Variants in CACNA2D2 observed in about 807,000 individuals in gnomAD.
CACNA2D2 encodes calcium voltage-gated channel auxiliary subunit alpha2delta 2, also known as voltage-dependent calcium channel subunit alpha-2/delta-2.
Under a neutral mutation model 166.4 loss-of-function variants are expected in CACNA2D2, and 48 were observed. The ratio of observed to expected loss-of-function variants is 0.29; its 90% confidence interval spans 0.23 to 0.37. The LOEUF (loss-of-function observed/expected upper bound fraction) is 0.37, where lower values mean the gene tolerates loss of function less well. Ranked by LOEUF, CACNA2D2 falls within the 10% of genes least tolerant of loss-of-function variation. CACNA2D2 has a pLI of 1.00. For synonymous variants in CACNA2D2, 561 were observed against 573.7 expected (o/e 0.98, Z 0.32); for missense variants, 1,122 against 1,433.0 (o/e 0.78, Z 3.50).
chr3:50,424,990 C>T (rs1707742340), intron 3 of CACNA2D2, among the ~76,000 whole-genome samples: 1 of 152,166 alleles, frequency 6.6e-6, no homozygotes, highest in South Asian at 2.1e-4. Context: ...GTACCTCCCA[C>T]AGGTACCCAC....
chr3:50,443,243 C>T (rs1708688890), intron 2 of CACNA2D2, among the ~76,000 whole-genome samples: 2 of 152,208 alleles, frequency 1.3e-5, no homozygotes, highest in Admixed American at 6.5e-5. Context: ...TTTGTGTCGG[C>T]GTCTGGGCCC....
At chr3:50,451,065 T>C (rs769707526) in intron 2 of CACNA2D2, among the ~76,000 whole-genome samples, 8 of 152,086 alleles carry the variant, frequency 5.3e-5, no homozygotes, top group African/African-American at 9.7e-5. Flanking sequence ...CAATGGCCCT[T>C]AGTGCCCCCT....
Position 50,362,899 on chromosome 3 carries a change from T to C in CACNA2D2, c.*1767A>G, listed in dbSNP as rs983833198. 7.9e-5 allele frequency: 31 copies of C among 390,168 alleles called. No individual in the cohort carries two copies. The highest frequency in any genetic ancestry group is 2.7e-5 in the Non-Finnish European group (6 of 221,420). 24.2% of individuals were successfully genotyped at this position (390,168 alleles called of 1,614,324 possible). A position where few individuals can be genotyped will look rare whatever the true frequency, so the allele number is the denominator to read the frequency against. ...TCACACACACGATATTTTACAAAGT[T>C]TCTTGACTTTTTTGTCGCTGTTGTT... On this transcript the variant is annotated 3_prime_UTR_variant, in exon 38 of 38. Transcript: ENST00000424201.
chr3:50,489,459 G>A (rs927378398), intron 1 of CACNA2D2, among the ~76,000 whole-genome samples: 1 of 152,254 alleles, frequency 6.6e-6, no homozygotes, highest in South Asian at 2.1e-4. Flanking sequence ...TTCTGTGCCA[G>A]GGAAGATGGG....
In CACNA2D2 at chr3:50,380,060, C is replaced by A. The variant is rs149968183; in HGVS notation, c.843-42G>T. 213 of 1,594,888 alleles carry A rather than the reference C, an allele frequency of 1.3e-4. No homozygotes were observed. In the African/African-American group the frequency reaches 2.6e-3, roughly 19 times the overall value. ...TCTGTTAGGGTAAGGCCCACTGGGA[C>A]CTTGTGGGTCCTTCCTTCCTTCACA... On this transcript the variant is annotated intron_variant, in intron 8 of 37. Transcript: ENST00000424201. This position sits in a 1 kb window ranked among gnomAD's most constrained non-coding sequence, Gnocchi z 4.9.
At chr3:50,447,250 A>G (rs553745280) in intron 2 of CACNA2D2, among the ~76,000 whole-genome samples, 93 of 152,140 alleles carry the variant, frequency 6.1e-4, no homozygotes, top group Non-Finnish European at 1.1e-3. Context: ...TCTGGAGGCT[A>G]CAGGCTGGAG....
At chr3:50,377,969 G>C (rs775480364) in intron 15 of CACNA2D2, 39 bp downstream of exon 15, 1 of 1,591,512 alleles carries the variant, frequency 6.3e-7, no homozygotes, top group South Asian at 1.1e-5. Flanking sequence ...TCCGGGGGAA[G>C]GGTGCCAGCC....
At chr3:50,377,036 T>C (rs1183530058) in intron 17 of CACNA2D2, among the ~76,000 whole-genome samples, 1 of 152,230 alleles carries the variant, frequency 6.6e-6, no homozygotes, top group Non-Finnish European at 1.5e-5. Flanking sequence ...TATGTGGCCA[T>C]GAGCTAAGAA....
chr3:50,374,593 C>G (rs1452545068), intron 22 of CACNA2D2, 144 bp downstream of exon 22: 1 of 801,684 alleles, frequency 1.2e-6, no homozygotes, highest in South Asian at 1.7e-5. Flanking sequence ...TCGAGGTGCC[C>G]CAGCCTGCGG....
chr3:50,372,993 AGGGGGGC>A, intron 22 of CACNA2D2: 1 of 774,574 alleles, frequency 1.3e-6, no homozygotes, highest in Non-Finnish European at 1.6e-6. Flanking sequence ...CTGGGCAGGG[AGGGGGGC>A]AAGCAGGGGC....
chr3:50,494,847 G>A (rs1190107699), intron 1 of CACNA2D2, among the ~76,000 whole-genome samples: 2 of 151,730 alleles, frequency 1.3e-5, no homozygotes, highest in African/African-American at 4.8e-5. Flanking sequence ...GCTAATTTTT[G>A]TATTTTTTTG....
intron 3 of CACNA2D2, among the ~76,000 whole-genome samples, chr3:50,406,157 A>G (rs1004270687): frequency 6.6e-6 from 1 of 151,840 alleles, no homozygotes; most frequent in African/African-American, 2.4e-5. Context: ...CGCTAATGAA[A>G]TACACGAACC....
intron 3 of CACNA2D2, among the ~76,000 whole-genome samples, chr3:50,402,813 T>G (rs1370621545): frequency 6.6e-6 from 1 of 152,130 alleles, no homozygotes; most frequent in African/African-American, 2.4e-5. Flanking sequence ...TAAATTATGA[T>G]CCATAATTCA....
At chr3:50,484,910 G>A (rs1429551596) in intron 1 of CACNA2D2, among the ~76,000 whole-genome samples, 1 of 152,258 alleles carries the variant, frequency 6.6e-6, no homozygotes, top group Non-Finnish European at 1.5e-5. Context: ...TAGGCAGGTG[G>A]GGTGGGCAGG....
intron 2 of CACNA2D2, among the ~76,000 whole-genome samples, chr3:50,462,828 G>A (rs781085388): frequency 5.9e-5 from 9 of 151,816 alleles, no homozygotes; most frequent in Admixed American, 2.0e-4. Context: ...TACACCAGGC[G>A]CCTGTGTAAC....
At chr3:50,488,421 C>A (rs1698379904) in intron 1 of CACNA2D2, among the ~76,000 whole-genome samples, 1 of 152,186 alleles carries the variant, frequency 6.6e-6, no homozygotes, top group Non-Finnish European at 1.5e-5. Flanking sequence ...GTACCCATCA[C>A]AACTGGGCCC....
chr3:50,430,031 G>T (rs1303204656), intron 3 of CACNA2D2, among the ~76,000 whole-genome samples: 1 of 152,230 alleles, frequency 6.6e-6, no homozygotes, highest in Admixed American at 6.5e-5. Flanking sequence ...GGCATGTTAG[G>T]AGGGGTGCTG....
At chr3:50,468,046 T>G (rs1709895637) in intron 2 of CACNA2D2, among the ~76,000 whole-genome samples, 1 of 152,270 alleles carries the variant, frequency 6.6e-6, no homozygotes, top group South Asian at 2.1e-4. Context: ...AGTGTCTCCG[T>G]GGCTGCCACT....
At chr3:50,436,725 C>T (rs1258235738) in intron 2 of CACNA2D2, among the ~76,000 whole-genome samples, 2 of 152,224 alleles carry the variant, frequency 1.3e-5, no homozygotes, top group Non-Finnish European at 2.9e-5. Flanking sequence ...CAGATGGAAT[C>T]ATAGTCCCTC....
Sources: allele counts gnomAD v4.1 joint callset (sites outside exome capture counted in the v4.1 genomes callset), GRCh38; gene constraint gnomAD v4.1.1; non-coding constraint Gnocchi (gnomAD v3.1); transcripts MANE v1.5; gene names NCBI Gene and HGNC (gene_info 2026-07-23, HGNC 2026-07-21).